EYS: variants seen among roughly 807,000 people sequenced by gnomAD.
EYS encodes the protein EGF-like photoreceptor maintenance factor.
EYS carries 250 observed loss-of-function variants against 282.1 expected under a neutral mutation model. The observed-to-expected ratio is 0.89, with a 90% confidence interval of 0.80 to 0.98. The LOEUF (loss-of-function observed/expected upper bound fraction) is 0.98. Ranked by LOEUF, EYS falls within the 50% of genes least tolerant of loss-of-function variation. The probability of loss-of-function intolerance (pLI) is 0.00; values close to 1 mark genes in which losing one functional copy is unlikely to be tolerated. For missense variants in EYS, 4,016 were observed against 3,709.0 expected, an observed-to-expected ratio of 1.08 and a Z score of -2.15; for synonymous variants, 1,355 against 1,282.9, an observed-to-expected ratio of 1.06 and a Z score of -1.20.
chr6:65,545,844 G>A (rs1053837565), intron 2 of EYS, among the ~76,000 whole-genome samples: 1 of 152,008 alleles, frequency 6.6e-6, no homozygotes, highest in Non-Finnish European at 1.5e-5. Context: ...TACAAGATTA[G>A]ATAATTATGC....
chr6:63,859,567 G>A (rs1772482568), intron 36 of EYS, among the ~76,000 whole-genome samples: 1 of 151,400 alleles, frequency 6.6e-6, no homozygotes, highest in Admixed American at 6.6e-5. Flanking sequence ...AGAATGGTGT[G>A]ATTAAGAAAA....
At chr6:65,056,017 T>C (rs551647046) in intron 13 of EYS, among the ~76,000 whole-genome samples, 1 of 152,066 alleles carries the variant, frequency 6.6e-6, no homozygotes, top group Non-Finnish European at 1.5e-5. Flanking sequence ...AGTACCTACA[T>C]AAATTATTTG....
At chr6:64,178,500 C>A (rs1010450133) in intron 31 of EYS, among the ~76,000 whole-genome samples, 1 of 152,062 alleles carries the variant, frequency 6.6e-6, no homozygotes, top group African/African-American at 2.4e-5. Context: ...TTACATATAT[C>A]ATGGCTAAAG....
chr6:64,732,529 A>T (rs941270347), intron 22 of EYS, among the ~76,000 whole-genome samples: 4 of 152,218 alleles, frequency 2.6e-5, no homozygotes, highest in Admixed American at 6.5e-5. Context: ...ATTCATATGA[A>T]TTATACTAAT....
intron 19 of EYS, among the ~76,000 whole-genome samples, chr6:64,876,653 A>G (rs1766759767): frequency 6.6e-6 from 1 of 152,138 alleles, no homozygotes; most frequent in Non-Finnish European, 1.5e-5. Flanking sequence ...AGGGAATAAA[A>G]GGTAATTGAA....
intron 26 of EYS, among the ~76,000 whole-genome samples, chr6:64,478,277 C>T (rs1776333897): frequency 6.6e-6 from 1 of 151,606 alleles, no homozygotes; most frequent in Admixed American, 6.6e-5. Flanking sequence ...GCCTTTTCCC[C>T]CATTTGAATG....
chr6:64,479,426 A>G (rs1172548395), intron 26 of EYS, among the ~76,000 whole-genome samples: 2 of 151,948 alleles, frequency 1.3e-5, no homozygotes, highest in Non-Finnish European at 2.9e-5. Flanking sequence ...TTTGCCATTT[A>G]CTTTACATTA....
chr6:65,021,795 G>A (rs61310776), intron 13 of EYS, among the ~76,000 whole-genome samples: 10,313 of 152,216 alleles, frequency 0.068, 440 homozygotes, highest in East Asian at 0.13. Context: ...ATGGCTGTGG[G>A]AGCCTCAGGA....
intron 12 of EYS, among the ~76,000 whole-genome samples, chr6:65,181,150 AG>A (rs1381595783): frequency 2.0e-5 from 3 of 152,188 alleles, no homozygotes; most frequent in African/African-American, 4.8e-5. Flanking sequence ...GGCATCGGCA[AG>A]GACTTCATGT....
chr6:64,471,295 G>A (rs1226404399), intron 26 of EYS, among the ~76,000 whole-genome samples: 1 of 152,146 alleles, frequency 6.6e-6, no homozygotes, highest in Non-Finnish European at 1.5e-5. Context: ...AAAAGAGGAA[G>A]TCAAATTGTC....
intron 7 of EYS, among the ~76,000 whole-genome samples, chr6:65,387,008 A>G (rs1249697312): frequency 1.3e-5 from 2 of 151,808 alleles, no homozygotes; most frequent in African/African-American, 4.8e-5. Flanking sequence ...AAAAAAAATA[A>G]TGAAAATAAA....
In EYS at chr6:63,884,485, TG is replaced by T. The variant is rs369244885; in HGVS notation, c.7056-20128del. On this transcript the variant is annotated intron_variant, in intron 35 of 42. Coordinates refer to ENST00000503581, the MANE Select transcript of EYS (RefSeq NM_001142800.2). ...CTGAAAAATGTTACCTAGCTTGATT[TG>T]GGTTGTGGTTACATGGTTTTGTACA... Among the ~76,000 whole-genome samples, 605 of 152,248 alleles carry T rather than the reference TG, an allele frequency of 4.0e-3. 5 individuals carry two copies. Among genetic ancestry groups the T allele is most frequent in the African/African-American group, 0.014 (571 of 41,552 alleles).
intron 35 of EYS, among the ~76,000 whole-genome samples, chr6:63,939,978 A>G (rs1765184077): frequency 6.6e-6 from 1 of 152,228 alleles, no homozygotes; most frequent in Admixed American, 6.5e-5. Flanking sequence ...TCTTGTGGCT[A>G]TTGAGGTGAG....
At chr6:64,222,135 A>G (rs1397447360) in intron 31 of EYS, among the ~76,000 whole-genome samples, 1 of 152,132 alleles carries the variant, frequency 6.6e-6, no homozygotes, top group Non-Finnish European at 1.5e-5. Context: ...AGAGACATTC[A>G]CAGAGAAAAC....
intron 12 of EYS, among the ~76,000 whole-genome samples, chr6:65,182,034 A>G (rs2150234065): frequency 6.6e-6 from 1 of 152,014 alleles, no homozygotes; most frequent in South Asian, 2.1e-4. Flanking sequence ...CAGGAAGGGG[A>G]ACATCACACA....
At chr6:64,027,066 C>G (rs1769554354) in intron 33 of EYS, among the ~76,000 whole-genome samples, 2 of 152,216 alleles carry the variant, frequency 1.3e-5, no homozygotes, top group South Asian at 4.1e-4. Flanking sequence ...TTGGAGACAC[C>G]TGGTATCTTA....
chr6:64,086,496 A>G (rs1210717892), intron 31 of EYS, among the ~76,000 whole-genome samples: 1 of 152,178 alleles, frequency 6.6e-6, no homozygotes, highest in Non-Finnish European at 1.5e-5. Flanking sequence ...TTCTACACAT[A>G]CATATCTCCT....
chr6:64,659,668 C>CT (rs1436406434), intron 22 of EYS, among the ~76,000 whole-genome samples: 1 of 152,084 alleles, frequency 6.6e-6, no homozygotes, highest in Non-Finnish European at 1.5e-5. Context: ...CACATACACC[C>CT]TCCCAAGACT....
intron 30 of EYS, among the ~76,000 whole-genome samples, chr6:64,296,581 TATACATATA>T (rs1769019693): frequency 1.5e-4 from 1 of 6,582 alleles, no homozygotes; most frequent in African/African-American, 8.8e-4. Context: ...TATATATATA[TATACATATA>T]TATATATATT....
Sources: gnomAD v4.1 joint callset for allele counts (sites outside exome capture counted in the v4.1 genomes callset) on GRCh38, gnomAD v4.1.1 for gene constraint, MANE v1.5 for transcripts, NCBI Gene and HGNC (gene_info 2026-07-23, HGNC 2026-07-21) for gene names.